The following NEURL3 variants were observed in gnomAD, a reference collection of about 807,000 sequenced individuals.
NEURL3 encodes neuralized E3 ubiquitin protein ligase 3, also known as E3 ubiquitin-protein ligase NEURL3.
A neutral mutation model predicts 17.6 loss-of-function variants in NEURL3; 19 were observed. The observed-to-expected ratio is 1.08, with a 90% confidence interval of 0.75 to 1.58. The LOEUF is 1.58. Among genes scored for constraint, NEURL3 ranks in the 40% most tolerant of loss-of-function variants. The pLI, the probability that NEURL3 is intolerant of heterozygous loss-of-function variation, is 0.00. For synonymous variants in NEURL3, 180 were observed against 161.4 expected (o/e 1.11, Z -0.87); for missense variants, 342 against 379.6 (o/e 0.90, Z 0.82).
chr2:96,504,402 T>C (rs1253552454), intron 1 of NEURL3: 1 of 152,304 alleles, frequency 6.6e-6, no homozygotes, highest in Non-Finnish European at 1.5e-5. Flanking sequence ...TTAAGGCCCA[T>C]CATTTCCCTG....
intron 2 of NEURL3, 153 bp downstream of exon 2, chr2:96,500,286 C>CGAGACA: frequency 1.6e-5 from 18 of 1,103,854 alleles, no homozygotes; most frequent in Non-Finnish European, 1.7e-5. Context: ...GTCTATCTGG[C>CGAGACA]GTCTCCAGTG....
chr2:96,503,735 T>C (rs979000692), intron 1 of NEURL3, among the ~76,000 whole-genome samples: 1 of 151,996 alleles, frequency 6.6e-6, no homozygotes, highest in Non-Finnish European at 1.5e-5. Context: ...TCCACCTGCC[T>C]CCTCCCACGA....
At chr2:96,506,469 G>A (rs989895058), upstream of NEURL3, among the ~76,000 whole-genome samples, 4 of 152,222 alleles carry the variant, frequency 2.6e-5, no homozygotes, top group Non-Finnish European at 5.9e-5. Context: ...ATCCCCAGGT[G>A]CTGAGATTAC....
chr2:96,505,460 T>C, upstream of NEURL3: 1 of 655,206 alleles, frequency 1.5e-6, no homozygotes, highest in Non-Finnish European at 2.6e-6. Context: ...CCAGGGGATT[T>C]CCCAGTGATT....
chr2:96,504,898 A>AAAAAAAAAAAAAAAAAAAAAAC (rs2065547711), intron 1 of NEURL3, among the ~76,000 whole-genome samples: 1 of 140,780 alleles, frequency 7.1e-6, no homozygotes. Context: ...AAAAAAAAAA[A>AAAAAAAAAAAAAAAAAAAAAAC]AAGACCAGGT....
Position 96,498,195 on chromosome 2 carries a change from C to T in NEURL3, c.*49G>A. The T allele has an allele frequency of 6.8e-7, 1 of 1,481,202 alleles. No homozygotes were observed. The highest frequency in any genetic ancestry group is 9.0e-7 in the Non-Finnish European group (1 of 1,112,182). 91.8% of individuals were successfully genotyped at this position (1,481,202 alleles called of 1,614,324 possible). A position where few individuals can be genotyped will look rare whatever the true frequency, so the allele number is the denominator to read the frequency against. On this transcript the variant is annotated 3_prime_UTR_variant, in exon 4 of 4. Transcript: ENST00000451794. The surrounding 1 kb of genome is among the most constrained non-coding windows in gnomAD (Gnocchi z 4.4). ...GCGCCTCCTTCCTCTCTGCAGGGGC[C>T]AGACTCAGATCTAGGCCCGGGCTGC...
intron 3 of NEURL3, 52 bp downstream of exon 3, chr2:96,499,326 C>T (rs1347562321): frequency 1.9e-6 from 3 of 1,592,660 alleles, no homozygotes; most frequent in Admixed American, 3.3e-5. Flanking sequence ...TCTCCCTCCA[C>T]TCCCAGGTGC....
Position 96,499,434 on chromosome 2 carries a change from C to G in NEURL3, c.530G>C (p.Arg177Pro), listed in dbSNP as rs370779737. 1 of 1,599,498 alleles carries G rather than the reference C, an allele frequency of 6.3e-7. No individual in the cohort carries two copies. Among genetic ancestry groups the G allele is most frequent in the South Asian group, 1.1e-5 (1 of 91,072 alleles). Residue 177 changes from arginine (R) to proline (P), a missense_variant, in exon 3 of 4, where the codon CGG becomes CCG. Coordinates refer to ENST00000451794, the MANE Select transcript of NEURL3 (RefSeq NM_001285485.2). ...AIELLDPTAS[R>P]LPTPMPWDLS... is the part of the protein sequence containing the mutation. ...GTCCCATGGCATGGGTGTTGGGAGCCGGCTGGCTGTGGGATCTGAGGCAGA... is the reference window on the plus strand; with the variant it reads ...GTCCCATGGCATGGGTGTTGGGAGCGGGCTGGCTGTGGGATCTGAGGCAGA...
upstream of NEURL3, among the ~76,000 whole-genome samples, chr2:96,505,811 C>T (rs1418237294): frequency 2.0e-5 from 3 of 152,202 alleles, no homozygotes; most frequent in Admixed American, 6.5e-5. Context: ...GATTGAATTG[C>T]ATTTGCTGTA....
chr2:96,506,445 C>A (rs936351589), upstream of NEURL3, among the ~76,000 whole-genome samples: 11 of 152,212 alleles, frequency 7.2e-5, no homozygotes, highest in African/African-American at 1.2e-4. Context: ...CTCAAGCAGT[C>A]CCCCCATCTT....
At chr2:96,506,222 T>A (rs2065559661), upstream of NEURL3, among the ~76,000 whole-genome samples, 1 of 152,152 alleles carries the variant, frequency 6.6e-6, no homozygotes, top group Admixed American at 6.5e-5. Context: ...CGACTTTTTT[T>A]TTTGAGACAG....
Position 96,498,134 on chromosome 2 carries a change from G to T in NEURL3, c.*110C>A. 8.7e-7 allele frequency: 1 copy of T among 1,155,984 alleles called. No homozygotes were observed. The highest frequency in any genetic ancestry group is 1.2e-6 in the Non-Finnish European group (1 of 844,454). The allele number at this position is 1,155,984 out of a possible 1,614,324, so 71.6% of individuals were successfully genotyped here. ...TCTCTGCCGCACCTCTTGCTAATCA[G>T]CCTTTCTGACTCTTCCCCAGAAAGA... On this transcript the variant is annotated 3_prime_UTR_variant, in exon 4 of 4. Coordinates refer to ENST00000451794, the MANE Select transcript of NEURL3 (RefSeq NM_001285485.2). This position sits in a 1 kb window ranked among gnomAD's most constrained non-coding sequence, Gnocchi z 4.4.
upstream of NEURL3, among the ~76,000 whole-genome samples, chr2:96,507,525 C>A (rs2065570553): frequency 6.6e-6 from 1 of 152,134 alleles, no homozygotes. Context: ...AGTGCAGTGG[C>A]ACGATCTCGG....
chr2:96,503,586 G>T (rs2065531165), intron 1 of NEURL3, among the ~76,000 whole-genome samples: 2 of 152,320 alleles, frequency 1.3e-5, no homozygotes, highest in South Asian at 4.1e-4. Flanking sequence ...CACCAAGGCT[G>T]AGTGGGGCCG....
At chr2:96,503,941 TG>T (rs1329165194) in intron 1 of NEURL3, among the ~76,000 whole-genome samples, 1 of 152,234 alleles carries the variant, frequency 6.6e-6, no homozygotes, top group Admixed American at 6.5e-5. Flanking sequence ...GCTCTTTCTA[TG>T]GGTCCTGTTT....
chr2:96,505,785 C>A (rs2065556167), upstream of NEURL3, among the ~76,000 whole-genome samples: 1 of 152,240 alleles, frequency 6.6e-6, no homozygotes, highest in Admixed American at 6.5e-5. Flanking sequence ...GGAACTCAAT[C>A]TGTGTTGCTG....
chr2:96,505,115 T>C, intron 1 of NEURL3, 144 bp downstream of exon 1: 1 of 888,662 alleles, frequency 1.1e-6, no homozygotes, highest in Non-Finnish European at 1.7e-6. Context: ...GTCCCATAGC[T>C]CAACTTGGCA....
Position 96,498,173 on chromosome 2 carries a change from C to T in NEURL3, c.*71G>A. On this transcript the variant is annotated 3_prime_UTR_variant, in exon 4 of 4. Coordinates refer to ENST00000451794, the MANE Select transcript of NEURL3 (RefSeq NM_001285485.2). The surrounding 1 kb of genome is among the most constrained non-coding windows in gnomAD (Gnocchi z 4.4). ...TCCCCAGAAAGAAGGTAGGGCTGCG[C>T]CTCCTTCCTCTCTGCAGGGGCCAGA... 1 of 1,393,656 alleles carries T rather than the reference C, an allele frequency of 7.2e-7. No homozygotes were observed. The highest frequency in any genetic ancestry group is 9.5e-7 in the Non-Finnish European group (1 of 1,053,358). The allele number at this position is 1,393,656 out of a possible 1,614,324, so 86.3% of individuals were successfully genotyped here.
intron 3 of NEURL3, among the ~76,000 whole-genome samples, chr2:96,499,015 C>A (rs1259004198): frequency 6.6e-6 from 1 of 152,144 alleles, no homozygotes; most frequent in Admixed American, 6.5e-5. Flanking sequence ...TGGGCCCAAG[C>A]GATCCTCCTG....
Sources: allele counts gnomAD v4.1 joint callset (sites outside exome capture counted in the v4.1 genomes callset), GRCh38; gene constraint gnomAD v4.1.1; non-coding constraint Gnocchi (gnomAD v3.1); transcripts MANE v1.5; gene names NCBI Gene and HGNC (gene_info 2026-07-23, HGNC 2026-07-21).